EEF1AKMT1: variants seen among roughly 807,000 people sequenced by gnomAD.
The protein encoded by EEF1AKMT1 is EEF1A lysine methyltransferase 1, also known as N-6 adenine-specific DNA methyltransferase 2 (putative).
Under a neutral mutation model 21.0 loss-of-function variants are expected in EEF1AKMT1, and 18 were observed. The ratio of observed to expected loss-of-function variants is 0.86; its 90% confidence interval spans 0.59 to 1.27. EEF1AKMT1 has a LOEUF of 1.27. Ranked by LOEUF, EEF1AKMT1 falls within the 50% of genes most tolerant of loss-of-function variation. EEF1AKMT1 has a pLI of 0.00. For missense variants in EEF1AKMT1, 246 were observed against 258.6 expected, an observed-to-expected ratio of 0.95 and a Z score of 0.33; for synonymous variants, 109 against 94.8, an observed-to-expected ratio of 1.15 and a Z score of -0.87.
chr13:20,732,009 C>G lies in EEF1AKMT1; in HGVS notation c.340G>C (p.Glu114Gln), dbSNP rs2058800118. ...TTATTGTAATCATAGAAAATAAACT[C>G]CTCTCCATACATGGCAAATCTTTTG... ...YDKRFAMYGE[E>Q]FIFYDYNNPL... The change falls in exon 4 of 5, where the codon GAG becomes CAG. Residue 114 changes from glutamate to glutamine, a missense_variant. Glu to Gln is a conservative substitution (Grantham distance 29). Coordinates refer to ENST00000382758, the MANE Select transcript of EEF1AKMT1 (RefSeq NM_001318939.2). The G allele has an allele frequency of 1.9e-6, 3 of 1,613,812 alleles. No homozygotes were observed. Among genetic ancestry groups the G allele is most frequent in the Non-Finnish European group, 1.7e-6 (2 of 1,179,792 alleles).
chr13:20,742,888 A>G (rs940837949), intron 2 of EEF1AKMT1, among the ~76,000 whole-genome samples: 2 of 152,192 alleles, frequency 1.3e-5, no homozygotes. Context: ...GCTCTCATGC[A>G]TGAGACAAAT....
intron 2 of EEF1AKMT1, among the ~76,000 whole-genome samples, chr13:20,741,564 C>A (rs1047448880): frequency 2.0e-5 from 3 of 147,710 alleles, no homozygotes; most frequent in Non-Finnish European, 4.4e-5. Flanking sequence ...TCAAGCAGTT[C>A]TCCTGCCTCA....
At chr13:20,739,161 A>G (rs190790657) in intron 2 of EEF1AKMT1, among the ~76,000 whole-genome samples, 1 of 151,562 alleles carries the variant, frequency 6.6e-6, no homozygotes. Context: ...AGTTCCTCCC[A>G]TCCGAAGTTG....
At chr13:20,756,382 A>T (rs1399129708) in intron 2 of EEF1AKMT1, among the ~76,000 whole-genome samples, 1 of 152,228 alleles carries the variant, frequency 6.6e-6, no homozygotes, top group Non-Finnish European at 1.5e-5. Context: ...AATATACATT[A>T]TACACCAGAA....
At chr13:20,733,595 C>G (rs71426027) in intron 3 of EEF1AKMT1, among the ~76,000 whole-genome samples, 6,397 of 152,226 alleles carry the variant, frequency 0.042, 318 homozygotes, top group African/African-American at 0.12. Flanking sequence ...GGAATGATCT[C>G]TGAGATCTAT....
intron 1 of EEF1AKMT1, among the ~76,000 whole-genome samples, chr13:20,770,198 A>C (rs902739213): frequency 6.6e-6 from 1 of 152,088 alleles, no homozygotes. Context: ...ACGTGAAATA[A>C]GCCAGTCATT....
At chr13:20,772,748 T>C (rs557454739) in intron 1 of EEF1AKMT1, among the ~76,000 whole-genome samples, 1 of 152,330 alleles carries the variant, frequency 6.6e-6, no homozygotes, top group East Asian at 1.9e-4. Flanking sequence ...GCGGACACGT[T>C]AGCTTGCAGC....
Position 20,732,048 on chromosome 13 carries a change from T to G in EEF1AKMT1, c.301A>C (p.Ile101Leu), listed in dbSNP as rs2058800559. The G allele has an allele frequency of 6.2e-7, 1 of 1,614,170 alleles. No individual in the cohort carries two copies. The highest frequency in any genetic ancestry group is 8.5e-7 in the Non-Finnish European group (1 of 1,180,042). Residue 101 changes from isoleucine (I) to leucine (L), a missense_variant, in exon 4 of 5, where the codon ATC becomes CTC. Physicochemically the swap from Ile to Leu is conservative, Grantham distance 5. Coordinates refer to ENST00000382758, the MANE Select transcript of EEF1AKMT1 (RefSeq NM_001318939.2). ...ELCRENFSIY[I>L]FEYDKRFAMY... ...GCAAATCTTTTGTCATATTCAAAGA[T>G]GTATATCGAAAAGTTTTCTCTGCAC...
intron 1 of EEF1AKMT1, among the ~76,000 whole-genome samples, chr13:20,759,787 CAGTCGGAATGGCTATTATTAAAA>C (rs2058990566): frequency 6.6e-6 from 1 of 152,006 alleles, no homozygotes; most frequent in Non-Finnish European, 1.5e-5. Flanking sequence ...CATCTCACAC[CAGTCGGAATGGCTATTATTAAAA>C]AGTCAAAAAA....
intron 3 of EEF1AKMT1, among the ~76,000 whole-genome samples, chr13:20,733,848 G>T (rs552490754): frequency 1.3e-5 from 2 of 152,146 alleles, no homozygotes; most frequent in Non-Finnish European, 2.9e-5. Flanking sequence ...TAAAAATTAC[G>T]CTCAGCTTTA....
Position 20,732,081 on chromosome 13 carries a change from T to C in EEF1AKMT1, c.268A>G (p.Arg90Gly), listed in dbSNP as rs1566526614. 3 of 1,613,894 alleles carry C rather than the reference T, an allele frequency of 1.9e-6. No homozygotes were observed. Among genetic ancestry groups the C allele is most frequent in the Non-Finnish European group, 2.5e-6 (3 of 1,179,948 alleles). Reference protein sequence around the residue: ...VSAPSVYQKLRELCRENFSIY... With the variant: ...VSAPSVYQKLGELCRENFSIY... ...GAAAAGTTTTCTCTGCACAGCTCTC[T>C]GAGTTTCTGGTAAACACTAGGGGCA... The change falls in exon 4 of 5, where the codon AGA becomes GGA. Residue 90 changes from arginine to glycine, a missense_variant. Arg to Gly is a moderately radical substitution (Grantham distance 125). Transcript: ENST00000382758.
intron 2 of EEF1AKMT1, among the ~76,000 whole-genome samples, chr13:20,748,726 G>GTTTTT (rs750094631): frequency 0.02 from 1,416 of 72,196 alleles, 1 homozygote; most frequent in East Asian, 0.075. Flanking sequence ...TTTTTTTTTG[G>GTTTTT]TTTTTTTTTT....
Position 20,737,697 on chromosome 13 carries a change from C to T in EEF1AKMT1, c.227+26G>A, listed in dbSNP as rs201315425. The T allele has an allele frequency of 2.2e-5, 35 of 1,591,972 alleles. No individual in the cohort carries two copies. The African/African-American group carries it at 3.9e-4, about 18-fold the overall frequency. The stretch of plus-strand genomic sequence containing the variant: ...GACATTCAAAATATTACATTAGATG[C>T]CAAAAAGAGAAAATTTGAATCTCAC... On this transcript the variant is annotated intron_variant, in intron 3 of 4. Transcript: ENST00000382758.
At chr13:20,743,518 T>C (rs1369713850) in intron 2 of EEF1AKMT1, among the ~76,000 whole-genome samples, 1 of 151,632 alleles carries the variant, frequency 6.6e-6, no homozygotes, top group African/African-American at 2.4e-5. Flanking sequence ...TTTCCTTGAC[T>C]TCCCCTCCAC....
chr13:20,763,841 G>T (rs1416088708), intron 1 of EEF1AKMT1, among the ~76,000 whole-genome samples: 1 of 152,144 alleles, frequency 6.6e-6, no homozygotes, highest in African/African-American at 2.4e-5. Flanking sequence ...TATGGGGTGA[G>T]TTCTCGTAGT....
Position 20,763,108 on chromosome 13 carries a change from G to A in EEF1AKMT1, c.-19-5491C>T, listed in dbSNP as rs117243744. 1.1e-4 allele frequency among the ~76,000 whole-genome samples: 17 copies of A among 152,058 alleles called. No individual in the cohort carries two copies. The East Asian group carries it at 2.1e-3, about 19-fold the overall frequency. On this transcript the variant is annotated intron_variant, in intron 1 of 4. Coordinates refer to ENST00000382758, the MANE Select transcript of EEF1AKMT1 (RefSeq NM_001318939.2). ...TGAGGTATATTTGTCTATTGTTTTCGGTCTTTGTATTGTCTTTGGTTTTGG... is the reference window on the plus strand; with the variant it reads ...TGAGGTATATTTGTCTATTGTTTTCAGTCTTTGTATTGTCTTTGGTTTTGG...
chr13:20,762,774 A>G (rs886322581), intron 1 of EEF1AKMT1, among the ~76,000 whole-genome samples: 7 of 152,120 alleles, frequency 4.6e-5, no homozygotes, highest in African/African-American at 1.7e-4. Flanking sequence ...TCAGCCTCCG[A>G]AAGTGCTGGG....
At chr13:20,738,971 C>G (rs1460850044) in intron 2 of EEF1AKMT1, among the ~76,000 whole-genome samples, 6 of 152,186 alleles carry the variant, frequency 3.9e-5, no homozygotes, top group Non-Finnish European at 5.9e-5. Flanking sequence ...GCTGTGGACC[C>G]TCACGATGAG....
At chr13:20,738,754 G>A (rs988530099) in intron 2 of EEF1AKMT1, among the ~76,000 whole-genome samples, 1 of 152,224 alleles carries the variant, frequency 6.6e-6, no homozygotes, top group Non-Finnish European at 1.5e-5. Flanking sequence ...GTGTAATTCT[G>A]TTTATATGAA....
Sources: allele counts gnomAD v4.1 joint callset (sites outside exome capture counted in the v4.1 genomes callset), GRCh38; gene constraint gnomAD v4.1.1; transcripts MANE v1.5; gene names NCBI Gene and HGNC (gene_info 2026-07-23, HGNC 2026-07-21).